The following PM20D2 variants were observed in gnomAD, a reference collection of about 807,000 sequenced individuals.
PM20D2 encodes the protein xaa-Arg dipeptidase.
A neutral mutation model predicts 42.9 loss-of-function variants in PM20D2; 33 were observed. The observed-to-expected ratio is 0.77, with a 90% CI of 0.58 to 1.03. The LOEUF is 1.03. Ranked by LOEUF, PM20D2 falls within the 50% of genes least tolerant of loss-of-function variation. PM20D2 has a pLI of 0.00. For synonymous variants in PM20D2, 250 were observed against 228.2 expected, an observed-to-expected ratio of 1.10 and a Z score of -0.86; for missense variants, 548 against 557.0, an observed-to-expected ratio of 0.98 and a Z score of 0.16.
intron 4 of PM20D2, among the ~76,000 whole-genome samples, chr6:89,155,737 C>T (rs1771024729): frequency 6.6e-6 from 1 of 151,166 alleles, no homozygotes; most frequent in African/African-American, 2.4e-5. Context: ...GAGACAAAGT[C>T]TTGCTCTATT....
chr6:89,164,290 T>TA lies in PM20D2; in HGVS notation c.*2028dup, dbSNP rs1301785624. The TA allele has an allele frequency of 1.3e-5, 2 of 152,576 alleles. No homozygotes were observed. Among genetic ancestry groups the TA allele is most frequent in the East Asian group, 3.8e-4 (2 of 5,196 alleles). 9.5% of individuals were successfully genotyped at this position (152,576 alleles called of 1,614,324 possible). A position where few individuals can be genotyped will look rare whatever the true frequency, so the allele number is the denominator to read the frequency against. ...AGAGTTGTGTTGATAATTTAACTGT[T>TA]ACAATTTCAGCAGTTGAATTCAGTG... On this transcript the variant is annotated 3_prime_UTR_variant, in exon 7 of 7. Coordinates refer to ENST00000275072, the MANE Select transcript of PM20D2 (RefSeq NM_001010853.3).
At chr6:89,131,030 A>T in the PM20D2 span, among the ~76,000 whole-genome samples, 3 of 151,566 alleles carry the variant, frequency 2.0e-5, no homozygotes, top group African/African-American at 7.3e-5. Context: ...GAAGCTGAAA[A>T]GTTCAAGGTC....
At chr6:89,111,149 C>T in the PM20D2 span, among the ~76,000 whole-genome samples, 1 of 150,742 alleles carries the variant, frequency 6.6e-6, no homozygotes, top group Admixed American at 6.6e-5. Flanking sequence ...TGCTTTGTCA[C>T]CCAGACTGGA....
the PM20D2 span, chr6:89,105,096 A>T: frequency 5.2e-6 from 8 of 1,551,576 alleles, no homozygotes; most frequent in Non-Finnish European, 6.1e-6. Context: ...AGAAAATGAA[A>T]TTTTCAGTCC....
At chr6:89,155,258 CTTTTTTTTTTTTTTT>C (rs34776724) in intron 4 of PM20D2, among the ~76,000 whole-genome samples, 2 of 58,924 alleles carry the variant, frequency 3.4e-5, no homozygotes, top group Admixed American at 2.5e-4. Context: ...TCAGCAAAAG[CTTTTTTTTTTTTTTT>C]TTTTTTTTTT....
intron 5 of PM20D2, 123 bp from the exon 6 acceptor site, chr6:89,161,660 C>G: frequency 1.4e-6 from 1 of 721,550 alleles, no homozygotes; most frequent in South Asian, 1.7e-5. Context: ...CATGAGCATA[C>G]GGACAACTCT....
the PM20D2 span, chr6:89,105,031 C>T: frequency 3.0e-6 from 4 of 1,348,742 alleles, no homozygotes; most frequent in Non-Finnish European, 4.0e-6. Context: ...GCACTCCAGC[C>T]TGGGAAACAA....
intron 4 of PM20D2, among the ~76,000 whole-genome samples, chr6:89,155,156 C>T (rs1439516160): frequency 1.3e-5 from 2 of 151,678 alleles, no homozygotes; most frequent in Non-Finnish European, 2.9e-5. Context: ...GCTAGAATCC[C>T]TGCCTTTTTA....
At chr6:89,105,104 T>C in the PM20D2 span, 2 of 1,554,164 alleles carry the variant, frequency 1.3e-6, no homozygotes, top group Non-Finnish European at 1.7e-6. Context: ...AAATTTTCAG[T>C]CCTCTTATAC....
At chr6:89,125,393 T>C in the PM20D2 span, among the ~76,000 whole-genome samples, 1 of 151,358 alleles carries the variant, frequency 6.6e-6, no homozygotes, top group African/African-American at 2.4e-5. Context: ...GGCAGGAGAA[T>C]GGCGTGAACC....
chr6:89,136,906 G>A, the PM20D2 span, among the ~76,000 whole-genome samples: 1 of 151,050 alleles, frequency 6.6e-6, no homozygotes, highest in Non-Finnish European at 1.5e-5. Context: ...CATTACTACA[G>A]TGTTTTCATC....
In PM20D2 at chr6:89,161,786, C is replaced by A; in HGVS notation, c.1052C>A (p.Ser351Tyr). The A allele has an allele frequency of 1.2e-6, 2 of 1,602,628 alleles. No individual in the cohort carries two copies. The highest frequency in any genetic ancestry group is 1.7e-6 in the Non-Finnish European group (2 of 1,169,486). ...TCTTAACTTTGTGTGTTCCAAGGAT[C>A]TACGGATTTTGGAAATGTTAGTTTT... ...EDTMLNGPSG[S>Y]TDFGNVSFVV... Residue 351 changes from serine (S) to tyrosine (Y), a missense_variant, in exon 6 of 7, where the codon TCT becomes TAT. Coordinates refer to ENST00000275072, the MANE Select transcript of PM20D2 (RefSeq NM_001010853.3).
the PM20D2 span, among the ~76,000 whole-genome samples, chr6:89,120,833 A>G: frequency 6.6e-6 from 1 of 152,210 alleles, no homozygotes; most frequent in Non-Finnish European, 1.5e-5. Context: ...TGTTTGTGCC[A>G]GTGCACTGCA....
Position 89,158,440 on chromosome 6 carries a change from C to G in PM20D2, c.1028C>G (p.Thr343Arg). ...GGAATAGAGTTCATTTCAGAAGATA[C>G]AATGTTGAATGGCCCTTCAGGTAAT... ...KLGIEFISED[T>R]MLNGPSGSTD... Residue 343 changes from threonine (T) to arginine (R), a missense_variant, in exon 5 of 7, where the codon ACA (threonine) becomes AGA (arginine). By Grantham distance (71) the Thr-to-Arg change is moderately conservative. This residue lies in a region of PM20D2 where 470 missense variants were observed against 464.4 expected (regional missense o/e 1.01). Transcript: ENST00000275072. 6.2e-7 allele frequency: 1 copy of G among 1,608,450 alleles called. No individual in the cohort carries two copies. Among genetic ancestry groups the G allele is most frequent in the South Asian group, 1.1e-5 (1 of 90,062 alleles).
the PM20D2 span, among the ~76,000 whole-genome samples, chr6:89,112,477 C>T: frequency 8.4e-5 from 12 of 143,510 alleles, no homozygotes; most frequent in East Asian, 4.0e-4. Flanking sequence ...GACAGGGTCT[C>T]GCTCTGTTGC....
the PM20D2 span, chr6:89,118,153 C>T: frequency 6.6e-6 from 1 of 152,242 alleles, no homozygotes; most frequent in African/African-American, 2.4e-5. Context: ...GCGGCCGTTC[C>T]CAGGCCCTAT....
chr6:89,146,070 C>CGCGTGCGCGGGCGGTCGCT lies in PM20D2; in HGVS notation c.-74_-56dup, dbSNP rs1770525516. On this transcript the variant is annotated 5_prime_UTR_variant, in exon 1 of 7. Coordinates refer to ENST00000275072, the MANE Select transcript of PM20D2 (RefSeq NM_001010853.3). ...CGCCGGGGTCCTGGAGGCCTCTGGGCGCGTGCGCGGGCGGTCGCTACCTGC... is the reference window on the plus strand; with the variant it reads ...CGCCGGGGTCCTGGAGGCCTCTGGGCGCGTGCGCGGGCGGTCGCTGCGTGCGCGGGCGGTCGCTACCTGC... The CGCGTGCGCGGGCGGTCGCT allele has an allele frequency of 7.8e-7, 1 of 1,285,008 alleles. No individual in the cohort carries two copies. Among genetic ancestry groups the CGCGTGCGCGGGCGGTCGCT allele is most frequent in the Non-Finnish European group, 1.0e-6 (1 of 998,642 alleles). 79.6% of individuals were successfully genotyped at this position (1,285,008 alleles called of 1,614,324 possible).
In PM20D2 at chr6:89,146,377, A is replaced by G. The variant is rs2127772569; in HGVS notation, c.233A>G (p.Gln78Arg). Reference sequence around the variant, plus strand: ...CCGCCCGCGGCCTCCTGGGCAGTGCAGCCGCACTACCAGCTGCCCACGGCC... The same window carrying G: ...CCGCCCGCGGCCTCCTGGGCAGTGCGGCCGCACTACCAGCTGCCCACGGCC... ...REPPAASWAV[Q>R]PHYQLPTAFR... The change falls in exon 1 of 7, where the codon CAG becomes CGG. Residue 78 changes from glutamine (Q) to arginine (R), a missense_variant. Coordinates refer to ENST00000275072, the MANE Select transcript of PM20D2 (RefSeq NM_001010853.3). The G allele has an allele frequency of 6.5e-7, 1 of 1,538,020 alleles. No individual in the cohort carries two copies. Among genetic ancestry groups the G allele is most frequent in the Non-Finnish European group, 8.7e-7 (1 of 1,149,944 alleles).
chr6:89,154,578 G>A (rs1308866580), intron 3 of PM20D2, among the ~76,000 whole-genome samples, 170 bp from the exon 4 acceptor site: 1 of 152,066 alleles, frequency 6.6e-6, no homozygotes, highest in Non-Finnish European at 1.5e-5. Flanking sequence ...CCTATGTAAA[G>A]AAATTTCAGT....
Sources: gnomAD v4.1 joint callset for allele counts (sites outside exome capture counted in the v4.1 genomes callset) on GRCh38, gnomAD v4.1.1 for gene constraint, gnomAD v4.1.1 regional missense constraint, MANE v1.5 for transcripts, NCBI Gene and HGNC (gene_info 2026-07-23, HGNC 2026-07-21) for gene names.